Variants in DSCAM observed in about 807,000 individuals in gnomAD.
DSCAM encodes cell adhesion molecule DSCAM.
DSCAM carries 47 observed loss-of-function variants against 217.7 expected under a neutral mutation model. The observed-to-expected ratio is 0.22, with a 90% confidence interval of 0.17 to 0.28. The LOEUF is 0.28. DSCAM is among the 10% of genes least tolerant of loss of function. The pLI, the probability that DSCAM is intolerant of heterozygous loss-of-function variation, is 1.00. For synonymous variants in DSCAM, 1,056 were observed against 1,015.3 expected, an observed-to-expected ratio of 1.04 and a Z score of -0.76; for missense variants, 2,080 against 2,618.3, an observed-to-expected ratio of 0.79 and a Z score of 4.49.
chr21:40,378,685 A>G lies in DSCAM; in HGVS notation c.509-9440T>C, dbSNP rs377216613. ...CGGCTCACTGCAAGCTCCGCCTCCC[A>G]GGTTCACGCCATTCTCCTGCCTCAG... On this transcript the variant is annotated intron_variant, in intron 3 of 32. Coordinates refer to ENST00000400454, the MANE Select transcript of DSCAM (RefSeq NM_001389.5). Among the ~76,000 whole-genome samples the G allele has an allele frequency of 3.1e-3, 413 of 134,282 alleles. 3 individuals carry two copies. Among genetic ancestry groups the G allele is most frequent in the African/African-American group, 0.01 (358 of 35,688 alleles). 88.1% of individuals were successfully genotyped at this position (134,282 alleles called of 152,430 possible). A position where few individuals can be genotyped will look rare whatever the true frequency, so the allele number is the denominator to read the frequency against.
At chr21:40,690,325 CTTG>C (rs1036845644) in intron 3 of DSCAM, among the ~76,000 whole-genome samples, 5 of 152,238 alleles carry the variant, frequency 3.3e-5, no homozygotes, top group South Asian at 2.1e-4. Flanking sequence ...GCTTTGGGGC[CTTG>C]TTGTCATTTA....
At chr21:40,166,150 C>A (rs2090592546) in intron 16 of DSCAM, among the ~76,000 whole-genome samples, 1 of 151,934 alleles carries the variant, frequency 6.6e-6, no homozygotes, top group Non-Finnish European at 1.5e-5. Flanking sequence ...ATGAAAGAAC[C>A]CATACTAGAA....
At chr21:40,066,211 G>A (rs1283285926) in intron 27 of DSCAM, among the ~76,000 whole-genome samples, 1 of 152,172 alleles carries the variant, frequency 6.6e-6, no homozygotes, top group Non-Finnish European at 1.5e-5. Context: ...GGCCCTTTTG[G>A]GCACAGTCCT....
chr21:40,228,912 A>T (rs1237413549), intron 11 of DSCAM, among the ~76,000 whole-genome samples: 1 of 152,174 alleles, frequency 6.6e-6, no homozygotes, highest in Non-Finnish European at 1.5e-5. Context: ...GTATATACAC[A>T]CATCTATGAA....
intron 20 of DSCAM, among the ~76,000 whole-genome samples, chr21:40,117,001 C>CAAAAAAA (rs534100380): frequency 2.7e-4 from 9 of 33,180 alleles, no homozygotes; most frequent in African/African-American, 8.5e-4. Context: ...GACTCTGTCT[C>CAAAAAAA]AAAAAAAAAA....
At position 40,169,939 on chromosome 21, in the gene DSCAM, A is replaced by C. The variant is rs569464161; in HGVS notation, c.2948-2651T>G. Among the ~76,000 whole-genome samples the C allele has an allele frequency of 7.9e-5, 12 of 152,132 alleles. 1 individual carries two copies. The South Asian group carries it at 2.5e-3, about 32-fold the overall frequency. ...TCCCACCCCACTTCTATGCCTGGTG[A>C]CAGTTTCTATTTAGTTCCTAAACAT... On this transcript the variant is annotated intron_variant, in intron 15 of 32. Coordinates refer to ENST00000400454, the MANE Select transcript of DSCAM (RefSeq NM_001389.5).
rs138070238 is a variant in DSCAM at position 40,149,199 on chromosome 21, C to A, written c.3019-4468G>T. On this transcript the variant is annotated intron_variant, in intron 16 of 32. Coordinates refer to ENST00000400454, the MANE Select transcript of DSCAM (RefSeq NM_001389.5). ...TATTCCAACACCAACATTGCCATCA[C>A]CACAACCATCCATCATTCCATCACT... 2.9e-3 allele frequency among the ~76,000 whole-genome samples: 441 copies of A among 152,236 alleles called. 1 individual carries two copies. The highest frequency in any genetic ancestry group is 9.7e-3 in the African/African-American group (403 of 41,534).
At chr21:40,543,700 A>G (rs2146137869) in intron 3 of DSCAM, among the ~76,000 whole-genome samples, 1 of 152,226 alleles carries the variant, frequency 6.6e-6, no homozygotes, top group Middle Eastern at 3.4e-3. Context: ...CTTTACCTCT[A>G]AAGGGATATC....
chr21:40,029,426 G>GTTTTTTTTTTTTTTT (rs924937730), intron 32 of DSCAM, among the ~76,000 whole-genome samples: 10 of 141,668 alleles, frequency 7.1e-5, no homozygotes, highest in African/African-American at 2.5e-4. Flanking sequence ...ATTTGAGGTT[G>GTTTTTTTTTTTTTTT]TTTTTTTTTT....
At chr21:40,136,462 T>C (rs557672224) in intron 18 of DSCAM, among the ~76,000 whole-genome samples, 14 of 152,158 alleles carry the variant, frequency 9.2e-5, no homozygotes, top group Non-Finnish European at 1.5e-4. Flanking sequence ...GCCTGAAGGA[T>C]AGAGCCAGAC....
intron 11 of DSCAM, among the ~76,000 whole-genome samples, chr21:40,264,220 T>C (rs1173348386): frequency 3.3e-5 from 5 of 152,142 alleles, no homozygotes; most frequent in Non-Finnish European, 5.9e-5. Context: ...AGTATCCTCA[T>C]ACCAAAGCCA....
intron 12 of DSCAM, 67 bp downstream of exon 12, chr21:40,188,975 T>G (rs1339465971): frequency 5.3e-6 from 8 of 1,518,700 alleles, no homozygotes; most frequent in Non-Finnish European, 7.3e-6. Context: ...CACCCGCTTC[T>G]GTGAAAGGAA....
At chr21:40,277,328 G>C (rs770016560) in intron 10 of DSCAM, among the ~76,000 whole-genome samples, 1 of 152,120 alleles carries the variant, frequency 6.6e-6, no homozygotes, top group Non-Finnish European at 1.5e-5. Context: ...GGAAACTTCA[G>C]ACTTTGCATC....
intron 3 of DSCAM, among the ~76,000 whole-genome samples, chr21:40,673,207 T>C (rs921100721): frequency 9.2e-5 from 14 of 152,172 alleles, no homozygotes; most frequent in South Asian, 2.1e-4. Flanking sequence ...TCTTGTTCCA[T>C]CTTTCCTTCC....
chr21:40,265,505 A>G (rs528774607), intron 11 of DSCAM, among the ~76,000 whole-genome samples: 33 of 152,232 alleles, frequency 2.2e-4, no homozygotes, highest in African/African-American at 7.9e-4. Context: ...CATAAAATTC[A>G]TAGGGAACCA....
chr21:40,466,397 C>G (rs1212659688), intron 3 of DSCAM, among the ~76,000 whole-genome samples: 2 of 152,148 alleles, frequency 1.3e-5, no homozygotes, highest in African/African-American at 2.4e-5. Context: ...GGTTACAGCA[C>G]TGGAAGAGAC....
chr21:40,537,994 G>A (rs1333357352), intron 3 of DSCAM, among the ~76,000 whole-genome samples: 1 of 152,180 alleles, frequency 6.6e-6, no homozygotes, highest in Non-Finnish European at 1.5e-5. Context: ...GGATCTCAGA[G>A]AGAGCGCTCA....
At position 40,312,172 on chromosome 21, in the gene DSCAM, G is replaced by A; in HGVS notation, c.1971C>T (p.Ser657=). The part of the protein sequence containing the change: ...NIDFTSSLRI[S]NLSLMHNGNY... The stretch of plus-strand genomic sequence containing the variant: ...TCCCATTGTGCATGAGCGAGAGATT[G>A]GAAATCCTCAAGGAGCTCGTGAAGT... The change falls in exon 9 of 33, where the codon TCC becomes TCT. Residue 657 remains serine (S), a synonymous_variant. Coordinates refer to ENST00000400454, the MANE Select transcript of DSCAM (RefSeq NM_001389.5). 1 of 1,614,046 alleles carries A rather than the reference G, an allele frequency of 6.2e-7. No homozygotes were observed. Among genetic ancestry groups the A allele is most frequent in the South Asian group, 1.1e-5 (1 of 91,074 alleles).
At chr21:40,775,511 G>A (rs1459632324) in intron 1 of DSCAM, among the ~76,000 whole-genome samples, 2 of 152,172 alleles carry the variant, frequency 1.3e-5, no homozygotes, top group Non-Finnish European at 2.9e-5. Context: ...CACCAGGAAA[G>A]AACAAATACA....
Sources: allele counts gnomAD v4.1 joint callset (sites outside exome capture counted in the v4.1 genomes callset), GRCh38; gene constraint gnomAD v4.1.1; transcripts MANE v1.5; gene names NCBI Gene and HGNC (gene_info 2026-07-23, HGNC 2026-07-21).